Variants in FAM13A observed in about 807,000 individuals in gnomAD.
The protein encoded by FAM13A is protein FAM13A.
A neutral mutation model predicts 129.6 loss-of-function variants in FAM13A; 76 were observed. The observed-to-expected ratio is 0.59, with a 90% CI of 0.49 to 0.71. FAM13A has a LOEUF of 0.71. Among genes scored for constraint, FAM13A ranks in the 30% least tolerant of loss-of-function variants. The pLI, the probability that FAM13A is intolerant of heterozygous loss-of-function variation, is 0.00. For missense variants in FAM13A, 1,108 were observed against 1,249.3 expected, an observed-to-expected ratio of 0.89 and a Z score of 1.70; for synonymous variants, 443 against 449.9, an observed-to-expected ratio of 0.98 and a Z score of 0.20.
At chr4:88,780,915 A>T (rs894452237) in intron 11 of FAM13A, among the ~76,000 whole-genome samples, 2 of 152,182 alleles carry the variant, frequency 1.3e-5, no homozygotes, top group African/African-American at 2.4e-5. Context: ...ATGCTTGAAA[A>T]AAAAGAGAAA....
chr4:88,862,050 G>C (rs561625061), intron 6 of FAM13A, among the ~76,000 whole-genome samples: 1 of 152,234 alleles, frequency 6.6e-6, no homozygotes, highest in East Asian at 1.9e-4. Context: ...TATTTATGGA[G>C]CACTTACTAC....
At chr4:88,890,848 TAA>T (rs771723214) in intron 6 of FAM13A, among the ~76,000 whole-genome samples, 1 of 152,058 alleles carries the variant, frequency 6.6e-6, no homozygotes, top group Non-Finnish European at 1.5e-5. Flanking sequence ...ATTTTAAAAA[TAA>T]GAGTTAACAT....
chr4:88,880,457 A>T (rs1561237370), intron 6 of FAM13A, among the ~76,000 whole-genome samples: 1 of 151,716 alleles, frequency 6.6e-6, no homozygotes. Flanking sequence ...CAGGGAAGCC[A>T]TTTCTGACTT....
intron 6 of FAM13A, 58 bp from the exon 7 acceptor site, chr4:88,851,241 A>G: frequency 7.0e-7 from 1 of 1,423,884 alleles, no homozygotes; most frequent in Non-Finnish European, 9.4e-7. Flanking sequence ...AAGTCTTTCA[A>G]ATTAAGTTTA....
chr4:88,823,384 C>A, intron 7 of FAM13A: 1 of 963,272 alleles, frequency 1.0e-6, no homozygotes, highest in Non-Finnish European at 1.3e-6. Flanking sequence ...TCCTCTTCCT[C>A]CTCCTCCTTC....
intron 10 of FAM13A, among the ~76,000 whole-genome samples, chr4:88,785,668 G>T (rs1358666222): frequency 6.6e-6 from 1 of 152,222 alleles, no homozygotes; most frequent in Non-Finnish European, 1.5e-5. Flanking sequence ...GATAAGGGGA[G>T]AGGGGTTGCA....
At chr4:88,885,899 A>C (rs1744322199) in intron 6 of FAM13A, among the ~76,000 whole-genome samples, 3 of 152,238 alleles carry the variant, frequency 2.0e-5, no homozygotes, top group African/African-American at 4.8e-5. Context: ...AATGGCCAAT[A>C]AACATATGAA....
chr4:88,829,196 G>A (rs1733500387), intron 7 of FAM13A, among the ~76,000 whole-genome samples: 1 of 152,156 alleles, frequency 6.6e-6, no homozygotes, highest in East Asian at 1.9e-4. Context: ...AAGATATAAT[G>A]ATATATTAAA....
intron 6 of FAM13A, among the ~76,000 whole-genome samples, chr4:88,862,413 T>C (rs1229464080): frequency 6.6e-6 from 1 of 152,132 alleles, no homozygotes; most frequent in Admixed American, 6.6e-5. Context: ...AAAGAGATGG[T>C]GGCAAGAGTT....
At position 88,732,197 on chromosome 4, in the gene FAM13A, TC is replaced by T; in HGVS notation, c.2647del (p.Glu883LysfsTer12). The T allele has an allele frequency of 6.2e-7, 1 of 1,603,510 alleles. No homozygotes were observed. Among genetic ancestry groups the T allele is most frequent in the East Asian group, 2.2e-5 (1 of 44,636 alleles). On this transcript the variant is annotated frameshift_variant and splice_region_variant, in exon 22 of 24. Transcript: ENST00000264344. LOFTEE classifies it high-confidence loss of function. ...ETASFFKEIKEEEEGSEDDSN... is the reference protein window; with the variant it reads ...ETASFFKEIKXEEEGSEDDSN... The stretch of plus-strand genomic sequence containing the variant: ...ATCGTCTTCTGACCCCTCCTCTTCT[TC>T]CTGGAGATACACAGCAACCCCAATA...
chr4:89,028,308 A>G (rs1327897565), intron 2 of FAM13A, among the ~76,000 whole-genome samples: 3 of 152,046 alleles, frequency 2.0e-5, no homozygotes, highest in Non-Finnish European at 4.4e-5. Flanking sequence ...TAAGAGTGAA[A>G]CCTTAGAAAA....
chr4:89,056,820 C>T (rs1772245756), intron 1 of FAM13A, 118 bp downstream of exon 1: 10 of 972,700 alleles, frequency 1.0e-5, no homozygotes, highest in Non-Finnish European at 1.4e-5. Flanking sequence ...ACAAATCTTT[C>T]CCCACCTCCT....
At chr4:88,980,732 T>C (rs1279962468) in intron 4 of FAM13A, among the ~76,000 whole-genome samples, 1 of 152,222 alleles carries the variant, frequency 6.6e-6, no homozygotes, top group Non-Finnish European at 1.5e-5. Flanking sequence ...AAATTACCAG[T>C]TTCTAAAAGT....
chr4:88,823,693 G>A (rs1198665317), intron 7 of FAM13A, among the ~76,000 whole-genome samples: 1 of 152,208 alleles, frequency 6.6e-6, no homozygotes, highest in Non-Finnish European at 1.5e-5. Flanking sequence ...CTTGAAAGGA[G>A]TGAGACTTTT....
chr4:88,787,403 C>G (rs1294305909), intron 10 of FAM13A, among the ~76,000 whole-genome samples: 1 of 151,870 alleles, frequency 6.6e-6, no homozygotes, highest in South Asian at 2.1e-4. Context: ...TGTTGTCTAG[C>G]AAGAAAAAAA....
intron 1 of FAM13A, among the ~76,000 whole-genome samples, chr4:89,047,831 G>C (rs1449733544): frequency 3.3e-5 from 5 of 152,040 alleles, no homozygotes; most frequent in Admixed American, 3.3e-4. Context: ...ACACAACTAA[G>C]AAACAGGCAA....
At chr4:88,754,688 A>T (rs1743278013) in intron 14 of FAM13A, among the ~76,000 whole-genome samples, 1 of 152,216 alleles carries the variant, frequency 6.6e-6, no homozygotes, top group South Asian at 2.1e-4. Flanking sequence ...TCCAAAATTT[A>T]ACTTTAGAAC....
chr4:89,029,803 C>T (rs908693755), intron 1 of FAM13A, 154 bp from the exon 2 acceptor site: 1 of 686,188 alleles, frequency 1.5e-6, no homozygotes, highest in Non-Finnish European at 2.5e-6. Context: ...TAACATCTCT[C>T]ACATGTTGCT....
chr4:88,924,500 T>C (rs1432841026), intron 5 of FAM13A, among the ~76,000 whole-genome samples: 2 of 152,188 alleles, frequency 1.3e-5, no homozygotes, highest in Non-Finnish European at 2.9e-5. Flanking sequence ...TGGCTAGCCA[T>C]ATGTAGAAAG....
Sources: allele counts gnomAD v4.1 joint callset (sites outside exome capture counted in the v4.1 genomes callset), GRCh38; gene constraint gnomAD v4.1.1; transcripts MANE v1.5; gene names NCBI Gene and HGNC (gene_info 2026-07-23, HGNC 2026-07-21).